LINC02747: variants seen among roughly 807,000 people sequenced by gnomAD.
The protein encoded by LINC02747 is CCND1-upstream intergenic DNA repair 2.
intron 1 of LINC02747, among the ~76,000 whole-genome samples, chr11:69,480,701 G>C (rs1271720194): frequency 6.6e-6 from 1 of 152,212 alleles, no homozygotes; most frequent in African/African-American, 2.4e-5. Flanking sequence ...AAAGTGTTCA[G>C]GTCACCACAG....
At chr11:69,479,722 C>G (rs1857031977) in intron 1 of LINC02747, 1 of 152,976 alleles carries the variant, frequency 6.5e-6, no homozygotes, top group Admixed American at 6.5e-5. Flanking sequence ...GACCTGCCAC[C>G]TCCAAACCTC....
chr11:69,481,461 TCTGACAGTCCAGG>T (rs1857047888), exon 1 of LINC02747: 1 of 152,408 alleles, frequency 6.6e-6, no homozygotes, highest in Non-Finnish European at 1.5e-5. Flanking sequence ...ACAGGGCTTC[TCTGACAGTCCAGG>T]CTGATGCAGC....
At chr11:69,478,596 A>C (rs1857017336) in intron 1 of LINC02747, among the ~76,000 whole-genome samples, 1 of 152,192 alleles carries the variant, frequency 6.6e-6, no homozygotes, top group Non-Finnish European at 1.5e-5. Context: ...TAATCCCAGC[A>C]CTTTGGGAGG....
chr11:69,479,476 T>G (rs1002395465), intron 1 of LINC02747, among the ~76,000 whole-genome samples: 2 of 152,112 alleles, frequency 1.3e-5, no homozygotes, highest in Non-Finnish European at 2.9e-5. Context: ...ATTATTCTCA[T>G]GAGCAGAAAA....
chr11:69,478,019 G>A (rs566340463), intron 1 of LINC02747, among the ~76,000 whole-genome samples: 1 of 152,162 alleles, frequency 6.6e-6, no homozygotes, highest in Non-Finnish European at 1.5e-5. Context: ...TGTCTGCTTC[G>A]TGCCAGGCAC....
chr11:69,478,557 A>G (rs527545205), intron 1 of LINC02747, among the ~76,000 whole-genome samples: 2 of 152,342 alleles, frequency 1.3e-5, no homozygotes, highest in East Asian at 1.9e-4. Context: ...AAAAATAGCA[A>G]TTAGGCTGGG....
chr11:69,479,147 C>T (rs1386855383), intron 1 of LINC02747, among the ~76,000 whole-genome samples: 1 of 148,918 alleles, frequency 6.7e-6, no homozygotes, highest in Admixed American at 6.8e-5. Context: ...CCCAGCTACT[C>T]GGGAGGCTGA....
At chr11:69,475,937 C>T (rs1445514096) in exon 2 of LINC02747, 2 of 152,254 alleles carry the variant, frequency 1.3e-5, no homozygotes, top group East Asian at 1.9e-4. Context: ...TTGCCTCAGG[C>T]TCTAATGCAC....
exon 2 of LINC02747, chr11:69,475,764 T>C (rs915301554): frequency 1.3e-5 from 2 of 152,194 alleles, no homozygotes; most frequent in Non-Finnish European, 2.9e-5. Flanking sequence ...GGGCCTCTTC[T>C]TATCAGGCCA....
At chr11:69,477,581 A>C (rs1331408877) in exon 2 of LINC02747, 1 of 152,216 alleles carries the variant, frequency 6.6e-6, no homozygotes, top group African/African-American at 2.4e-5. Context: ...CCGGGAGCCA[A>C]GAGGTCCTCA....
chr11:69,477,472 A>T (rs894798649), exon 2 of LINC02747: 1 of 152,164 alleles, frequency 6.6e-6, no homozygotes. Context: ...ATCGTGTAAC[A>T]TTGCTCCATT....
At chr11:69,481,482 A>C (rs952602589) in exon 1 of LINC02747, 8 of 152,360 alleles carry the variant, frequency 5.3e-5, no homozygotes, top group Non-Finnish European at 8.8e-5. Flanking sequence ...AGGCTGATGC[A>C]GCTCACTGTG....
At chr11:69,478,001 C>T (rs114311779) in intron 1 of LINC02747, among the ~76,000 whole-genome samples, 3,391 of 152,296 alleles carry the variant, frequency 0.022, 129 homozygotes, top group African/African-American at 0.078. Flanking sequence ...ACCTGTCTGA[C>T]AAGCACCTGT....
At chr11:69,476,148 G>A (rs559375637) in exon 2 of LINC02747, 1 of 152,358 alleles carries the variant, frequency 6.6e-6, no homozygotes, top group Admixed American at 6.5e-5. Context: ...ATTAAATGAG[G>A]TGGCCCTTTG....
intron 1 of LINC02747, among the ~76,000 whole-genome samples, chr11:69,478,785 G>C (rs1392229290): frequency 6.6e-6 from 1 of 152,138 alleles, no homozygotes; most frequent in African/African-American, 2.4e-5. Context: ...AGAATCACTT[G>C]AACCCAGGAG....
At chr11:69,480,572 G>A (rs1386838610) in intron 1 of LINC02747, among the ~76,000 whole-genome samples, 1 of 152,200 alleles carries the variant, frequency 6.6e-6, no homozygotes, top group Admixed American at 6.5e-5. Context: ...CCCACCCTCA[G>A]GATGGAGCTG....
chr11:69,475,724 G>A lies in LINC02747; in HGVS notation n.2010C>T, dbSNP rs371140543. The stretch of plus-strand genomic sequence containing the variant: ...CCGTCTTCTTGTGGGGTCCTCGTGC[G>A]ACAGAGAGCAGAGACAGAGCCGGTT... On this transcript the variant is annotated non_coding_transcript_exon_variant, in exon 2 of 2. Coordinates refer to ENST00000645449, the Ensembl canonical transcript of LINC02747. 4 of 151,982 alleles carry A rather than the reference G, an allele frequency of 2.6e-5. No individual in the cohort carries two copies. The East Asian group carries it at 7.7e-4, about 29-fold the overall frequency. 9.4% of individuals were successfully genotyped at this position (151,982 alleles called of 1,614,324 possible).
intron 1 of LINC02747, among the ~76,000 whole-genome samples, chr11:69,479,254 CAA>C (rs34812492): frequency 0.015 from 708 of 47,518 alleles, 2 homozygotes; most frequent in African/African-American, 0.046. Context: ...GACTCTGTCT[CAA>C]AAAAAAAAAA....
chr11:69,479,276 A>AG (rs1246731553), intron 1 of LINC02747, among the ~76,000 whole-genome samples: 108 of 147,236 alleles, frequency 7.3e-4, no homozygotes, highest in African/African-American at 2.5e-3. Context: ...AAAAAAAAAA[A>AG]AGAGAGAGAG....
Sources: allele counts gnomAD v4.1 joint callset (sites outside exome capture counted in the v4.1 genomes callset), GRCh38; gene constraint gnomAD v4.1.1; transcripts MANE v1.5; gene names NCBI Gene and HGNC (gene_info 2026-07-23, HGNC 2026-07-21).